Variants in ATRNL1 observed in about 807,000 individuals in gnomAD.
ATRNL1 encodes the protein attractin like 1, also known as attractin-like protein 1.
In ATRNL1, 95 loss-of-function variants were observed where a neutral mutation model predicts 182.7. The observed-to-expected ratio is 0.52, with a 90% CI of 0.44 to 0.62. ATRNL1 has a LOEUF of 0.62. Among genes scored for constraint, ATRNL1 ranks in the 20% least tolerant of loss-of-function variants. The pLI, the probability that ATRNL1 is intolerant of heterozygous loss-of-function variation, is 0.00. For synonymous variants in ATRNL1, 576 were observed against 568.3 expected, an observed-to-expected ratio of 1.01 and a Z score of -0.19; for missense variants, 1,471 against 1,679.5, an observed-to-expected ratio of 0.88 and a Z score of 2.17.
intron 26 of ATRNL1, among the ~76,000 whole-genome samples, chr10:115,693,708 G>A (rs570217989): frequency 3.9e-5 from 6 of 152,126 alleles, no homozygotes; most frequent in South Asian, 4.1e-4. Context: ...TTACTGTACC[G>A]AATGCTGTAA....
At chr10:115,294,288 C>A (rs1554921893) in intron 15 of ATRNL1, among the ~76,000 whole-genome samples, 1 of 152,134 alleles carries the variant, frequency 6.6e-6, no homozygotes, top group South Asian at 2.1e-4. Context: ...GAGATCGAGG[C>A]TAGCCTAGGC....
chr10:115,348,642 A>G (rs532362231), intron 19 of ATRNL1, among the ~76,000 whole-genome samples: 8 of 152,130 alleles, frequency 5.3e-5, no homozygotes, highest in Non-Finnish European at 1.2e-4. Flanking sequence ...TGAACTCCAT[A>G]AATACTTATT....
chr10:115,549,766 T>C (rs1323687319), intron 26 of ATRNL1, among the ~76,000 whole-genome samples: 1 of 151,990 alleles, frequency 6.6e-6, no homozygotes, highest in African/African-American at 2.4e-5. Context: ...TTTCTAAAAA[T>C]GGTATTGGAA....
At chr10:115,214,926 A>G (rs1000348244) in intron 8 of ATRNL1, among the ~76,000 whole-genome samples, 5 of 152,216 alleles carry the variant, frequency 3.3e-5, no homozygotes, top group African/African-American at 7.2e-5. Context: ...GGGATCACCC[A>G]GAAATCCAGA....
At chr10:115,246,654 G>A (rs1457213062) in intron 10 of ATRNL1, among the ~76,000 whole-genome samples, 2 of 73,930 alleles carry the variant, frequency 2.7e-5, no homozygotes, top group Non-Finnish European at 5.9e-5. Context: ...TCCACTTCCT[G>A]GGTTCACGCC....
At chr10:115,860,379 A>G (rs926440887) in intron 28 of ATRNL1, among the ~76,000 whole-genome samples, 5 of 152,198 alleles carry the variant, frequency 3.3e-5, no homozygotes, top group Non-Finnish European at 5.9e-5. Context: ...CATCACAATG[A>G]AAAATGACTC....
At chr10:115,759,224 A>C (rs1171556893) in intron 27 of ATRNL1, among the ~76,000 whole-genome samples, 1 of 152,178 alleles carries the variant, frequency 6.6e-6, no homozygotes, top group East Asian at 1.9e-4. Flanking sequence ...GTTTTGATTT[A>C]CCTTTCTCTT....
intron 25 of ATRNL1, among the ~76,000 whole-genome samples, chr10:115,541,414 T>G (rs1210739111): frequency 3.9e-5 from 6 of 152,124 alleles, no homozygotes; most frequent in African/African-American, 1.2e-4. Context: ...ATACCAAATG[T>G]TGGAGAGGAT....
chr10:115,613,580 G>A (rs1294263843), intron 26 of ATRNL1, among the ~76,000 whole-genome samples: 1 of 152,016 alleles, frequency 6.6e-6, no homozygotes, highest in Non-Finnish European at 1.5e-5. Context: ...CAGTTTTTTG[G>A]AATAATTAGA....
chr10:115,800,675 A>G (rs538808048), intron 27 of ATRNL1, among the ~76,000 whole-genome samples: 2 of 152,044 alleles, frequency 1.3e-5, no homozygotes, highest in Non-Finnish European at 2.9e-5. Context: ...CTAACCCCCA[A>G]TGTGATGGTA....
At position 115,854,991 on chromosome 10, in the gene ATRNL1, C is replaced by T. The variant is rs1348110955; in HGVS notation, c.4018+7000C>T. Among the ~76,000 whole-genome samples the T allele has an allele frequency of 2.0e-5, 3 of 152,264 alleles. No individual in the cohort carries two copies. In the East Asian group the frequency reaches 5.8e-4, roughly 30 times the overall value. On this transcript the variant is annotated intron_variant, in intron 28 of 28. Coordinates refer to ENST00000355044, the MANE Select transcript of ATRNL1 (RefSeq NM_207303.4). Reference sequence around the variant, plus strand: ...CTGTTGAAATAGGTCCAGACGTTTACTCTGGAATGAAAGGTCCTCTCTGAC... The same window carrying T: ...CTGTTGAAATAGGTCCAGACGTTTATTCTGGAATGAAAGGTCCTCTCTGAC...
intron 19 of ATRNL1, among the ~76,000 whole-genome samples, chr10:115,350,346 G>GAAAAAAAAAAAA (rs71010016): frequency 3.0e-5 from 2 of 66,374 alleles, no homozygotes; most frequent in African/African-American, 6.0e-5. Context: ...AAAAAAAAAA[G>GAAAAAAAAAAAA]AAAAAAAAAA....
intron 6 of ATRNL1, among the ~76,000 whole-genome samples, chr10:115,163,643 G>A (rs1846905993): frequency 6.6e-6 from 1 of 152,138 alleles, no homozygotes. Flanking sequence ...TGGGATTTCA[G>A]GTGTGAGCTA....
chr10:115,395,539 A>G (rs1554955325), intron 20 of ATRNL1, among the ~76,000 whole-genome samples: 1 of 151,834 alleles, frequency 6.6e-6, no homozygotes, highest in Non-Finnish European at 1.5e-5. Flanking sequence ...TATTATACCT[A>G]ATATAATGTC....
At chr10:115,884,690 A>G (rs1051269330) in intron 28 of ATRNL1, among the ~76,000 whole-genome samples, 4 of 152,208 alleles carry the variant, frequency 2.6e-5, no homozygotes, top group Non-Finnish European at 4.4e-5. Flanking sequence ...GAGAGGTTCT[A>G]TTTGATGGAC....
rs148755552 is a variant in ATRNL1, at chr10:115,406,035, C to T, written c.3269+11283C>T. ...AAGGACATAAACTCATCATTTTTTA[C>T]GGCTGCATAGTATTCCATGGTGTAT... On this transcript the variant is annotated intron_variant, in intron 20 of 28. Transcript: ENST00000355044. 9.6e-3 allele frequency among the ~76,000 whole-genome samples: 1,451 copies of T among 151,872 alleles called. 14 individuals carry two copies. The highest frequency in any genetic ancestry group is 0.014 in the Non-Finnish European group (948 of 67,956).
At chr10:115,533,180 C>T (rs1851707447) in intron 25 of ATRNL1, among the ~76,000 whole-genome samples, 1 of 151,754 alleles carries the variant, frequency 6.6e-6, no homozygotes, top group African/African-American at 2.4e-5. Context: ...AGGAATGGTA[C>T]CAGTTCCTCC....
At chr10:115,228,187 A>T (rs2053423370) in intron 9 of ATRNL1, among the ~76,000 whole-genome samples, 1 of 152,166 alleles carries the variant, frequency 6.6e-6, no homozygotes, top group South Asian at 2.1e-4. Context: ...TTTTATTATC[A>T]GTGTTAGAAA....
chr10:115,304,667 T>G (rs1035805826), intron 17 of ATRNL1, among the ~76,000 whole-genome samples: 3 of 152,062 alleles, frequency 2.0e-5, no homozygotes, highest in Non-Finnish European at 4.4e-5. Context: ...TGACCAGGCT[T>G]TCATTCAGGT....
Sources: gnomAD v4.1 joint callset for allele counts (sites outside exome capture counted in the v4.1 genomes callset) on GRCh38, gnomAD v4.1.1 for gene constraint, MANE v1.5 for transcripts, NCBI Gene and HGNC (gene_info 2026-07-23, HGNC 2026-07-21) for gene names.